The following ELMO1 variants were observed in gnomAD, a reference collection of about 807,000 sequenced individuals.
ELMO1 encodes engulfment and cell motility 1.
A neutral mutation model predicts 98.9 loss-of-function variants in ELMO1; 26 were observed. The ratio of observed to expected loss-of-function variants is 0.26; its 90% CI spans 0.19 to 0.36. The LOEUF is 0.36. Ranked by LOEUF, ELMO1 falls within the 10% of genes least tolerant of loss-of-function variation. The pLI is 1.00. For synonymous variants in ELMO1, 346 were observed against 346.0 expected (o/e 1.00, Z 0.00); for missense variants, 627 against 935.2 (o/e 0.67, Z 4.30).
Position 37,342,742 on chromosome 7 carries a change from A to G in ELMO1, c.-52T>C. 1 of 1,506,380 alleles carries G rather than the reference A, an allele frequency of 6.6e-7. No individual in the cohort carries two copies. Among genetic ancestry groups the G allele is most frequent in the Non-Finnish European group, 9.1e-7 (1 of 1,101,590 alleles). 93.3% of individuals were successfully genotyped at this position (1,506,380 alleles called of 1,614,324 possible). ...AGTGGGAATGAGGATCCTACAGCGTAAACGGCCACACGTGTCTATACCTAA... is the reference window on the plus strand; with the variant it reads ...AGTGGGAATGAGGATCCTACAGCGTGAACGGCCACACGTGTCTATACCTAA... On this transcript the variant is annotated 5_prime_UTR_variant, in exon 2 of 22. Transcript: ENST00000310758. This position sits in a 1 kb window ranked among gnomAD's most constrained non-coding sequence, Gnocchi z 4.3.
At chr7:37,167,629 T>C (rs1789814038) in intron 13 of ELMO1, among the ~76,000 whole-genome samples, 2 of 152,070 alleles carry the variant, frequency 1.3e-5, no homozygotes, top group South Asian at 4.2e-4. Context: ...AAATTCTGGG[T>C]TGAAAATTCT....
chr7:37,110,996 C>G (rs111579882), intron 14 of ELMO1, among the ~76,000 whole-genome samples: 3,689 of 152,286 alleles, frequency 0.024, 50 homozygotes, highest in South Asian at 0.032. Context: ...AGAAAAGACT[C>G]TCAGTTACTT....
At chr7:37,184,576 T>C (rs1791084078) in intron 13 of ELMO1, among the ~76,000 whole-genome samples, 1 of 152,210 alleles carries the variant, frequency 6.6e-6, no homozygotes, top group Non-Finnish European at 1.5e-5. Flanking sequence ...AAAACATCCA[T>C]TTAAATCAAA....
chr7:37,402,784 C>T lies in ELMO1; in HGVS notation c.-74+45891G>A, dbSNP rs1261488511. Among the ~76,000 whole-genome samples the T allele has an allele frequency of 2.6e-5, 4 of 152,328 alleles. No homozygotes were observed. The East Asian group carries it at 7.7e-4, about 29-fold the overall frequency. The stretch of plus-strand genomic sequence containing the variant: ...TATTACACCTTAAAAGTAGTACCTG[C>T]ATTTTTCCACATATTATCTTTAATT... On this transcript the variant is annotated intron_variant, in intron 1 of 21. Transcript: ENST00000310758.
chr7:37,337,984 A>AT (rs1299197802), intron 2 of ELMO1, among the ~76,000 whole-genome samples: 1 of 152,184 alleles, frequency 6.6e-6, no homozygotes, highest in Non-Finnish European at 1.5e-5. Context: ...TTGTCTTTTA[A>AT]TTTTTTCTCC....
intron 6 of ELMO1, among the ~76,000 whole-genome samples, chr7:37,257,527 AT>A (rs1795737322): frequency 6.6e-6 from 1 of 151,616 alleles, no homozygotes; most frequent in Admixed American, 6.6e-5. Context: ...GATCGAGACC[AT>A]CCTGGCTGAC....
At chr7:37,204,125 T>C (rs1206587691) in intron 13 of ELMO1, 1 of 456,466 alleles carries the variant, frequency 2.2e-6, no homozygotes, top group South Asian at 1.5e-5. Context: ...GCAATAGGCA[T>C]TAGTCTCACC....
chr7:36,911,697 C>A (rs75961340), intron 16 of ELMO1, among the ~76,000 whole-genome samples: 3 of 152,158 alleles, frequency 2.0e-5, no homozygotes, highest in Non-Finnish European at 2.9e-5. Flanking sequence ...GCATTGTCTA[C>A]TGCAGAATCT....
chr7:37,445,963 T>G (rs1400392403), intron 1 of ELMO1, among the ~76,000 whole-genome samples: 1 of 152,164 alleles, frequency 6.6e-6, no homozygotes, highest in Non-Finnish European at 1.5e-5. Flanking sequence ...AGTGTACTGG[T>G]TATCTAATCT....
intron 16 of ELMO1, among the ~76,000 whole-genome samples, chr7:36,896,080 T>G (rs1805974562): frequency 6.6e-6 from 1 of 152,210 alleles, no homozygotes; most frequent in Non-Finnish European, 1.5e-5. Context: ...GCCACCATTC[T>G]TCGTGTCATT....
intron 1 of ELMO1, among the ~76,000 whole-genome samples, chr7:37,362,903 A>G (rs1358921757): frequency 6.6e-6 from 1 of 152,212 alleles, no homozygotes; most frequent in Non-Finnish European, 1.5e-5. Context: ...GAAGTGACAG[A>G]GGCACTGGAG....
At chr7:37,056,019 G>C (rs1796376701) in intron 15 of ELMO1, among the ~76,000 whole-genome samples, 1 of 152,162 alleles carries the variant, frequency 6.6e-6, no homozygotes, top group Non-Finnish European at 1.5e-5. Context: ...GCTTTAAGAA[G>C]AACAAGAGAA....
At chr7:37,124,349 C>G (rs1786334744) in intron 14 of ELMO1, among the ~76,000 whole-genome samples, 1 of 152,186 alleles carries the variant, frequency 6.6e-6, no homozygotes, top group Admixed American at 6.5e-5. Flanking sequence ...CCAATTGTCC[C>G]TGTTTGCAGA....
chr7:37,018,288 G>A (rs1284199704), intron 15 of ELMO1, among the ~76,000 whole-genome samples: 3 of 151,814 alleles, frequency 2.0e-5, no homozygotes, highest in Admixed American at 6.6e-5. Context: ...CACCACACCT[G>A]GCTAATTGTG....
chr7:36,988,879 C>T (rs981749689), intron 16 of ELMO1, among the ~76,000 whole-genome samples: 1 of 152,182 alleles, frequency 6.6e-6, no homozygotes, highest in African/African-American at 2.4e-5. Context: ...CAATGCATTG[C>T]AGTGCTCCAG....
chr7:37,336,843 A>C (rs1472891297), intron 2 of ELMO1, among the ~76,000 whole-genome samples: 1 of 152,212 alleles, frequency 6.6e-6, no homozygotes, highest in East Asian at 1.9e-4. Context: ...CATTTAAATA[A>C]GCCTGGAATG....
intron 16 of ELMO1, among the ~76,000 whole-genome samples, chr7:36,911,749 T>C (rs1784358897): frequency 6.6e-6 from 1 of 152,158 alleles, no homozygotes; most frequent in African/African-American, 2.4e-5. Context: ...CATGCTGATA[T>C]CTCTCAAAAT....
At chr7:37,387,447 T>C (rs868557946) in intron 1 of ELMO1, among the ~76,000 whole-genome samples, 1 of 152,220 alleles carries the variant, frequency 6.6e-6, no homozygotes, top group South Asian at 2.1e-4. Context: ...TATCTCTAAA[T>C]GTCCCCTTTT....
At chr7:36,997,751 G>A (rs1050299931) in intron 16 of ELMO1, 2 of 152,658 alleles carry the variant, frequency 1.3e-5, no homozygotes, top group African/African-American at 2.4e-5. Flanking sequence ...AGTGGTAGGA[G>A]AGGAAAAGAG....
Sources: allele counts gnomAD v4.1 joint callset (sites outside exome capture counted in the v4.1 genomes callset), GRCh38; gene constraint gnomAD v4.1.1; non-coding constraint Gnocchi (gnomAD v3.1); transcripts MANE v1.5; gene names NCBI Gene and HGNC (gene_info 2026-07-23, HGNC 2026-07-21).